Variants in GASK1A observed in about 807,000 individuals in gnomAD.
The protein encoded by GASK1A is golgi associated kinase 1A.
Under a neutral mutation model 41.2 loss-of-function variants are expected in GASK1A, and 40 were observed. That is an observed-to-expected ratio of 0.97 (90% CI 0.75 to 1.27). GASK1A has a LOEUF of 1.27. Ranked by LOEUF, GASK1A falls within the 50% of genes most tolerant of loss-of-function variation. The probability of loss-of-function intolerance (pLI) is 0.00; values close to 1 mark genes in which losing one functional copy is unlikely to be tolerated. For synonymous variants in GASK1A, 316 were observed against 307.1 expected (o/e 1.03, Z -0.30); for missense variants, 678 against 745.1 (o/e 0.91, Z 1.05).
intron 2 of GASK1A, among the ~76,000 whole-genome samples, chr3:43,035,160 A>C (rs1003988378): frequency 1.3e-5 from 2 of 152,164 alleles, no homozygotes; most frequent in Non-Finnish European, 2.9e-5. Context: ...AGCCTCTCTC[A>C]GCTCTACTTT....
intron 1 of GASK1A, among the ~76,000 whole-genome samples, chr3:43,021,254 C>T (rs561579079): frequency 2.6e-5 from 4 of 152,260 alleles, no homozygotes; most frequent in South Asian, 2.1e-4. Flanking sequence ...ACATACTTCC[C>T]TTCTGGCTCC....
chr3:43,031,730 G>T (rs1269930501), intron 1 of GASK1A, among the ~76,000 whole-genome samples: 1 of 152,230 alleles, frequency 6.6e-6, no homozygotes, highest in East Asian at 1.9e-4. Context: ...TGGCAAAAGT[G>T]GTTGGCTCTC....
At chr3:42,985,337 A>C (rs1273810667) in intron 1 of GASK1A, among the ~76,000 whole-genome samples, 2 of 152,174 alleles carry the variant, frequency 1.3e-5, no homozygotes, top group African/African-American at 4.8e-5. Flanking sequence ...CATATCAAGA[A>C]GGCCACAAAT....
intron 1 of GASK1A, among the ~76,000 whole-genome samples, chr3:43,005,008 T>C (rs1436414225): frequency 6.6e-6 from 1 of 152,222 alleles, no homozygotes; most frequent in Non-Finnish European, 1.5e-5. Flanking sequence ...CCTTGGCTCA[T>C]GGTCTCTACC....
chr3:43,046,657 T>C (rs1033521329), intron 2 of GASK1A, among the ~76,000 whole-genome samples: 7 of 152,190 alleles, frequency 4.6e-5, no homozygotes, highest in Non-Finnish European at 8.8e-5. Context: ...AGGAGCCAAA[T>C]GTCAATGCCA....
At position 42,979,714 on chromosome 3, in the gene GASK1A, A is replaced by ACGCGCAGCGGCCCAGGGCG. The variant is rs1386013915; in HGVS notation, c.3+78_3+96dup. 9 of 1,240,118 alleles carry ACGCGCAGCGGCCCAGGGCG rather than the reference A, an allele frequency of 7.3e-6. No individual in the cohort carries two copies. The Admixed American group carries it at 2.5e-4, about 35-fold the overall frequency. The allele number at this position is 1,240,118 out of a possible 1,614,324, so 76.8% of individuals were successfully genotyped here. ...TCACCAGGACAGGTGGCTGCAGTCA[A>ACGCGCAGCGGCCCAGGGCG]CGCGCAGCGGCCCAGGGCGCGCGCA... On this transcript the variant is annotated intron_variant, in intron 1 of 4. Transcript: ENST00000430121.
At chr3:43,017,110 G>A (rs966201413) in intron 1 of GASK1A, among the ~76,000 whole-genome samples, 1 of 151,748 alleles carries the variant, frequency 6.6e-6, no homozygotes, top group Non-Finnish European at 1.5e-5. Flanking sequence ...TCTCAGGAAG[G>A]GGCAGTGTGA....
chr3:42,987,763 C>T (rs973026685), intron 1 of GASK1A, among the ~76,000 whole-genome samples: 1 of 151,998 alleles, frequency 6.6e-6, no homozygotes, highest in Non-Finnish European at 1.5e-5. Context: ...CTTTGGAAGG[C>T]TGAGGTGGAC....
chr3:43,045,486 A>G (rs778883892), intron 2 of GASK1A, among the ~76,000 whole-genome samples: 42 of 152,248 alleles, frequency 2.8e-4, no homozygotes, highest in Non-Finnish European at 4.3e-4. Context: ...TATATAAGAT[A>G]TGCACAACAG....
At chr3:43,046,588 G>A (rs2089663790) in intron 2 of GASK1A, among the ~76,000 whole-genome samples, 1 of 152,216 alleles carries the variant, frequency 6.6e-6, no homozygotes, top group African/African-American at 2.4e-5. Flanking sequence ...TGGTAGAAAT[G>A]AAAAACCCAT....
intron 1 of GASK1A, among the ~76,000 whole-genome samples, chr3:43,027,571 C>T (rs2089552532): frequency 6.6e-6 from 1 of 151,574 alleles, no homozygotes; most frequent in Non-Finnish European, 1.5e-5. Flanking sequence ...AAAGGGAGGG[C>T]AAGGAGGGGG....
intron 1 of GASK1A, among the ~76,000 whole-genome samples, chr3:42,995,837 A>AT (rs1559397472): frequency 6.6e-6 from 1 of 152,110 alleles, no homozygotes; most frequent in Non-Finnish European, 1.5e-5. Context: ...AACTTACTTT[A>AT]TTTTTCAGCA....
chr3:43,049,190 G>A (rs1575452425), intron 2 of GASK1A, among the ~76,000 whole-genome samples: 1 of 152,144 alleles, frequency 6.6e-6, no homozygotes, highest in East Asian at 1.9e-4. Flanking sequence ...ACTCTAATGA[G>A]TGGTGTGCAT....
chr3:43,025,363 G>C (rs1411489144), intron 1 of GASK1A, among the ~76,000 whole-genome samples: 2 of 152,168 alleles, frequency 1.3e-5, no homozygotes, highest in Admixed American at 6.5e-5. Context: ...TGGGTATCTG[G>C]GTGGACAGTG....
At chr3:43,050,353 T>A (rs2089683418) in intron 2 of GASK1A, among the ~76,000 whole-genome samples, 2 of 152,214 alleles carry the variant, frequency 1.3e-5, no homozygotes, top group Admixed American at 6.5e-5. Flanking sequence ...ATGTTATTCC[T>A]CTGCCTTTTG....
intron 1 of GASK1A, among the ~76,000 whole-genome samples, chr3:43,021,223 G>A (rs969524323): frequency 2.6e-5 from 4 of 152,082 alleles, no homozygotes; most frequent in Non-Finnish European, 4.4e-5. Flanking sequence ...GTCAGAATCT[G>A]TCTTCTCCTT....
At chr3:43,045,782 T>G (rs1206113998) in intron 2 of GASK1A, among the ~76,000 whole-genome samples, 1 of 152,146 alleles carries the variant, frequency 6.6e-6, no homozygotes, top group Non-Finnish European at 1.5e-5. Context: ...AATTGAATCA[T>G]GGGGGTTGGT....
intron 1 of GASK1A, among the ~76,000 whole-genome samples, chr3:43,021,484 T>C (rs2089521932): frequency 6.6e-6 from 1 of 152,108 alleles, no homozygotes; most frequent in South Asian, 2.1e-4. Flanking sequence ...ATTTTTACTC[T>C]GACTTTACGA....
intron 1 of GASK1A, among the ~76,000 whole-genome samples, chr3:42,993,856 G>A (rs2089355043): frequency 6.6e-6 from 1 of 152,130 alleles, no homozygotes; most frequent in Non-Finnish European, 1.5e-5. Flanking sequence ...TGTCATTGTA[G>A]CATAACAACA....
Sources: gnomAD v4.1 joint callset for allele counts (sites outside exome capture counted in the v4.1 genomes callset) on GRCh38, gnomAD v4.1.1 for gene constraint, MANE v1.5 for transcripts, NCBI Gene and HGNC (gene_info 2026-07-23, HGNC 2026-07-21) for gene names.